Variants in PDE5A observed in about 807,000 individuals in gnomAD.
The protein encoded by PDE5A is cGMP-specific 3',5'-cyclic phosphodiesterase.
PDE5A carries 67 observed loss-of-function variants against 110.2 expected under a neutral mutation model. That is an observed-to-expected ratio of 0.61 (90% CI 0.50 to 0.75). The LOEUF (loss-of-function observed/expected upper bound fraction) is 0.75. Ranked by LOEUF, PDE5A falls within the 30% of genes least tolerant of loss-of-function variation. The probability of loss-of-function intolerance (pLI) is 0.00; values close to 1 mark genes in which losing one functional copy is unlikely to be tolerated. For synonymous variants in PDE5A, 328 were observed against 351.2 expected (o/e 0.93, Z 0.74); for missense variants, 862 against 1,045.1 (o/e 0.82, Z 2.42).
intron 1 of PDE5A, among the ~76,000 whole-genome samples, chr4:119,610,449 C>T (rs1425493599): frequency 6.6e-6 from 1 of 152,192 alleles, no homozygotes; most frequent in African/African-American, 2.4e-5. Flanking sequence ...ATTTCAGCCA[C>T]AAACCCAAAA....
intron 14 of PDE5A, among the ~76,000 whole-genome samples, chr4:119,511,971 T>C (rs941769522): frequency 2.6e-5 from 4 of 152,156 alleles, no homozygotes; most frequent in Non-Finnish European, 4.4e-5. Context: ...AAGAAAAAGA[T>C]GAAGTTTCTG....
chr4:119,519,959 C>A (rs1331776164), intron 13 of PDE5A, among the ~76,000 whole-genome samples: 1 of 152,044 alleles, frequency 6.6e-6, no homozygotes, highest in African/African-American at 2.4e-5. Context: ...AGGAAATACT[C>A]ATTGGAATAT....
At chr4:119,535,327 A>G (rs1037115942) in intron 11 of PDE5A, among the ~76,000 whole-genome samples, 1 of 152,126 alleles carries the variant, frequency 6.6e-6, no homozygotes, top group African/African-American at 2.4e-5. Context: ...GCACCGGATA[A>G]GAGAATCTGG....
chr4:119,567,071 AC>A lies in PDE5A; in HGVS notation c.903+1del, dbSNP rs1727961595. On this transcript the variant is annotated splice_donor_variant, in intron 4 of 20. Coordinates refer to ENST00000354960, the MANE Select transcript of PDE5A (RefSeq NM_001083.4). LOFTEE classifies it high-confidence loss of function. The stretch of plus-strand genomic sequence containing the variant: ...GCTCATGTCTGACACAAGTTTTGGT[AC>A]CTTTTCATCTTTTTCAGTAAATGTC... 6.2e-7 allele frequency: 1 copy of A among 1,609,774 alleles called. No individual in the cohort carries two copies. Among genetic ancestry groups the A allele is most frequent in the Non-Finnish European group, 8.5e-7 (1 of 1,176,266 alleles).
intron 6 of PDE5A, among the ~76,000 whole-genome samples, chr4:119,562,007 GCTCT>G (rs1380870905): frequency 5.3e-5 from 8 of 152,162 alleles, no homozygotes; most frequent in Non-Finnish European, 1.2e-4. Flanking sequence ...GATAGTGCAC[GCTCT>G]CTTTCCTATT....
chr4:119,606,860 T>C lies in PDE5A; in HGVS notation c.590A>G (p.Asp197Gly). Residue 197 changes from aspartate (D) to glycine (G), a missense_variant, in exon 2 of 21, where the codon GAC becomes GGC. Transcript: ENST00000354960. The part of the protein sequence containing the change: ...LFLVCEDSSN[D>G]KFLISRLFDV... The stretch of plus-strand genomic sequence containing the variant: ...AAAGAGGCGGCTGATAAGAAACTTG[T>C]CATTGGAGCTGTCTTCACAGACAAG... The C allele has an allele frequency of 6.2e-7, 1 of 1,614,232 alleles. No homozygotes were observed. Among genetic ancestry groups the C allele is most frequent in the Non-Finnish European group, 8.5e-7 (1 of 1,180,052 alleles).
At position 119,628,648 on chromosome 4, in the gene PDE5A, G is replaced by C; in HGVS notation, c.24C>G (p.Phe8Leu). The C allele has an allele frequency of 6.2e-7, 1 of 1,613,568 alleles. No homozygotes were observed. The highest frequency in any genetic ancestry group is 1.3e-5 in the African/African-American group (1 of 75,054). The change falls in exon 1 of 21, where the codon TTC becomes TTG. Residue 8 changes from phenylalanine to leucine, a missense_variant. By Grantham distance (22) the Phe-to-Leu change is conservative. Coordinates refer to ENST00000354960, the MANE Select transcript of PDE5A (RefSeq NM_001083.4). MERAGPS[F>L]GQQRQQQQPQ... is the part of the protein sequence containing the mutation. ...GCTGCTGCTGCTGTCGCTGCTGCCC[G>C]AAGCTGGGGCCGGCCCGCTCCATGG...
intron 3 of PDE5A, among the ~76,000 whole-genome samples, chr4:119,577,106 C>G (rs994312119): frequency 5.9e-5 from 9 of 152,106 alleles, no homozygotes; most frequent in Admixed American, 1.3e-4. Flanking sequence ...ATAAATTCCT[C>G]GAAACATACC....
intron 7 of PDE5A, among the ~76,000 whole-genome samples, chr4:119,558,636 A>G (rs1727623124): frequency 6.6e-6 from 1 of 152,212 alleles, no homozygotes; most frequent in East Asian, 1.9e-4. Context: ...CTGCAAATTT[A>G]GGCCTGTTAC....
intron 3 of PDE5A, among the ~76,000 whole-genome samples, chr4:119,588,621 T>A (rs983427755): frequency 1.3e-5 from 2 of 151,966 alleles, no homozygotes; most frequent in Non-Finnish European, 2.9e-5. Context: ...AAAATATTTT[T>A]AAATGAGCAG....
In PDE5A at chr4:119,557,013, TG is replaced by T. The variant is rs1441938208; in HGVS notation, c.1200-3268del. On this transcript the variant is annotated intron_variant, in intron 7 of 20. Coordinates refer to ENST00000354960, the MANE Select transcript of PDE5A (RefSeq NM_001083.4). ...TTAGAATGTGCCTCAGAGCTCCAAT[TG>T]TAGAAAGAGTAGCTGACCAATGTCT... Among the ~76,000 whole-genome samples the T allele has an allele frequency of 2.0e-4, 24 of 120,228 alleles. No homozygotes were observed. In the East Asian group the frequency reaches 5.7e-3, roughly 29 times the overall value. 78.9% of individuals were successfully genotyped at this position (120,228 alleles called of 152,430 possible).
Position 119,533,880 on chromosome 4 carries a change from T to C in PDE5A, c.1632+5080A>G, listed in dbSNP as rs868556662. Among the ~76,000 whole-genome samples the C allele has an allele frequency of 7.2e-5, 11 of 152,266 alleles. No individual in the cohort carries two copies. The Middle Eastern group carries it at 0.01, about 141-fold the overall frequency. On this transcript the variant is annotated intron_variant, in intron 11 of 20. Transcript: ENST00000354960. The stretch of plus-strand genomic sequence containing the variant: ...ACAGATCTGATTACCATCTTGGTTA[T>C]TGAGTTCCAAATAAAAAAAATGACA...
chr4:119,578,502 G>A (rs1728460928), intron 3 of PDE5A, among the ~76,000 whole-genome samples: 2 of 152,214 alleles, frequency 1.3e-5, no homozygotes, highest in East Asian at 1.9e-4. Flanking sequence ...ATAGACCAAT[G>A]GAACAGAACA....
At chr4:119,558,538 G>T (rs1159752861) in intron 7 of PDE5A, among the ~76,000 whole-genome samples, 2 of 152,140 alleles carry the variant, frequency 1.3e-5, no homozygotes, top group African/African-American at 4.8e-5. Flanking sequence ...ACAAAATAAA[G>T]AATTTGCTGG....
intron 8 of PDE5A, 115 bp downstream of exon 8, chr4:119,553,523 G>T (rs1056794492): frequency 7.1e-6 from 5 of 704,944 alleles, no homozygotes; most frequent in African/African-American, 3.6e-5. Context: ...GGAAAGCACA[G>T]ATCATTCCTA....
chr4:119,579,665 G>A (rs1728514222), intron 3 of PDE5A, among the ~76,000 whole-genome samples: 1 of 147,768 alleles, frequency 6.8e-6, no homozygotes, highest in African/African-American at 2.5e-5. Flanking sequence ...ACAGGAAGGG[G>A]AACATCACAC....
At chr4:119,613,134 G>A (rs1729814691) in intron 1 of PDE5A, among the ~76,000 whole-genome samples, 1 of 152,138 alleles carries the variant, frequency 6.6e-6, no homozygotes. Context: ...TGCTGCAAAA[G>A]CCAAACATGA....
intron 5 of PDE5A, 69 bp from the exon 6 acceptor site, chr4:119,563,039 T>C: frequency 7.6e-7 from 1 of 1,320,874 alleles, no homozygotes; most frequent in Non-Finnish European, 1.0e-6. Context: ...ATTATTTATA[T>C]GGGTTATAAA....
At chr4:119,521,371 G>GTT (rs775549268) in intron 12 of PDE5A, among the ~76,000 whole-genome samples, 3 of 140,810 alleles carry the variant, frequency 2.1e-5, no homozygotes, top group Non-Finnish European at 1.6e-5. Context: ...CACTGGGTAG[G>GTT]TTTTTTTTTT....
Sources: gnomAD v4.1 joint callset for allele counts (sites outside exome capture counted in the v4.1 genomes callset) on GRCh38, gnomAD v4.1.1 for gene constraint, MANE v1.5 for transcripts, NCBI Gene and HGNC (gene_info 2026-07-23, HGNC 2026-07-21) for gene names.